Variants in EXOC6B observed in about 807,000 individuals in gnomAD.
The protein encoded by EXOC6B is exocyst complex component 6B.
In EXOC6B, 54 loss-of-function variants were observed where a neutral mutation model predicts 113.5. The ratio of observed to expected loss-of-function variants is 0.48; its 90% CI spans 0.38 to 0.60. The LOEUF (loss-of-function observed/expected upper bound fraction) is 0.60. Ranked by LOEUF, EXOC6B falls within the 20% of genes least tolerant of loss-of-function variation. The probability of loss-of-function intolerance (pLI) is 0.00; values close to 1 mark genes in which losing one functional copy is unlikely to be tolerated. For synonymous variants in EXOC6B, 357 were observed against 339.0 expected (o/e 1.05, Z -0.58); for missense variants, 797 against 977.5 (o/e 0.82, Z 2.46).
In EXOC6B at chr2:72,823,479, CAA is replaced by C. The variant is rs1214480106; in HGVS notation, c.113+2317_113+2318del. On this transcript the variant is annotated intron_variant, in intron 1 of 21. Transcript: ENST00000272427. ...TTTAAGAAAAAAAAAAAAAAAAAAA[CAA>C]AAAACAAAAAAAAAGACAGTGGCCA... 7.3e-5 allele frequency among the ~76,000 whole-genome samples: 7 copies of C among 95,344 alleles called. 1 individual carries two copies. The highest frequency in any genetic ancestry group is 3.3e-4 in the African/African-American group (7 of 21,238). The allele number at this position is 95,344 out of a possible 152,430, so 62.5% of individuals were successfully genotyped here.
chr2:72,519,950 T>C (rs1701402783), intron 8 of EXOC6B, among the ~76,000 whole-genome samples: 1 of 152,132 alleles, frequency 6.6e-6, no homozygotes, highest in Admixed American at 6.5e-5. Flanking sequence ...CATGAGGAAA[T>C]GTGTGGCTCT....
chr2:72,599,950 TTAG>T (rs1670307895), intron 6 of EXOC6B, among the ~76,000 whole-genome samples: 1 of 151,814 alleles, frequency 6.6e-6, no homozygotes, highest in African/African-American at 2.4e-5. Context: ...AAACTCAATA[TTAG>T]AATATCAATT....
intron 20 of EXOC6B, among the ~76,000 whole-genome samples, chr2:72,199,926 C>A (rs1476046469): frequency 6.6e-6 from 1 of 152,062 alleles, no homozygotes; most frequent in Non-Finnish European, 1.5e-5. Flanking sequence ...GACGGAGTTT[C>A]ATTCTTCTCA....
intron 20 of EXOC6B, among the ~76,000 whole-genome samples, chr2:72,192,330 C>G (rs1324556254): frequency 6.6e-6 from 1 of 152,184 alleles, no homozygotes; most frequent in Non-Finnish European, 1.5e-5. Flanking sequence ...CTTTGTGCTT[C>G]TCATATCAAA....
At chr2:72,741,193 A>AT in intron 2 of EXOC6B, 111 bp downstream of exon 2, 1 of 1,082,570 alleles carries the variant, frequency 9.2e-7, no homozygotes, top group Non-Finnish European at 1.3e-6. Flanking sequence ...TTCTAATTAT[A>AT]CAAAAATCTT....
At chr2:72,559,084 T>C (rs1703742207) in intron 8 of EXOC6B, among the ~76,000 whole-genome samples, 1 of 152,340 alleles carries the variant, frequency 6.6e-6, no homozygotes, top group East Asian at 1.9e-4. Flanking sequence ...ATGCTTTATA[T>C]GACAAAAGGA....
intron 6 of EXOC6B, among the ~76,000 whole-genome samples, chr2:72,647,190 G>A (rs1239081311): frequency 6.6e-6 from 1 of 152,050 alleles, no homozygotes; most frequent in African/African-American, 2.4e-5. Context: ...CCTAAAAAGA[G>A]AATAAAATAC....
intron 1 of EXOC6B, among the ~76,000 whole-genome samples, chr2:72,797,880 T>C (rs960619035): frequency 2.6e-5 from 4 of 152,006 alleles, no homozygotes; most frequent in Non-Finnish European, 1.5e-5. Flanking sequence ...GTTTCATCCC[T>C]ACCCCCCAAT....
At chr2:72,699,936 C>A (rs2104628854) in intron 6 of EXOC6B, among the ~76,000 whole-genome samples, 1 of 152,260 alleles carries the variant, frequency 6.6e-6, no homozygotes, top group Admixed American at 6.5e-5. Context: ...CAGGACCTCT[C>A]TGCAAATACC....
chr2:72,676,015 C>T (rs1676278312), intron 6 of EXOC6B, among the ~76,000 whole-genome samples: 1 of 150,748 alleles, frequency 6.6e-6, no homozygotes, highest in South Asian at 2.1e-4. Flanking sequence ...TGACTTTTTC[C>T]AAAAAAGTTC....
At chr2:72,600,870 C>A (rs1670381767) in intron 6 of EXOC6B, among the ~76,000 whole-genome samples, 1 of 151,820 alleles carries the variant, frequency 6.6e-6, no homozygotes, top group African/African-American at 2.4e-5. Context: ...CAATTTAAAA[C>A]ATCTCTGTAA....
chr2:72,496,465 C>A lies in EXOC6B; in HGVS notation c.1432G>T (p.Glu478Ter). ...AAAGTATTCCTTACCTTTTCCAGTTCTATATCTTGAAATGGGAATTGTCCT... is the reference window on the plus strand; with the variant it reads ...AAAGTATTCCTTACCTTTTCCAGTTATATATCTTGAAATGGGAATTGTCCT... Reference protein sequence around the residue: ...VVGQFPFQDIELEKQPFPKKF... With the variant: ...VVGQFPFQDI The change falls in exon 14 of 22, where the codon GAA (glutamate) becomes TAA (stop). Residue 478 changes from glutamate (E) to a stop codon, truncating the protein, a stop_gained. Transcript: ENST00000272427. LOFTEE classifies it high-confidence loss of function. 1.9e-6 allele frequency: 3 copies of A among 1,586,536 alleles called. No individual in the cohort carries two copies. Among genetic ancestry groups the A allele is most frequent in the Non-Finnish European group, 2.6e-6 (3 of 1,160,798 alleles).
chr2:72,249,955 C>T (rs1007229334), intron 20 of EXOC6B, among the ~76,000 whole-genome samples: 7 of 152,230 alleles, frequency 4.6e-5, no homozygotes, highest in Admixed American at 3.9e-4. Flanking sequence ...TAACTCAATC[C>T]TGATTTACTC....
chr2:72,558,906 G>C (rs945390031), intron 8 of EXOC6B, among the ~76,000 whole-genome samples: 1 of 151,978 alleles, frequency 6.6e-6, no homozygotes, highest in African/African-American at 2.4e-5. Context: ...TCGATAATAG[G>C]CTTCTCTCAC....
In EXOC6B at chr2:72,176,289, GAA is replaced by G; in HGVS notation, c.*3044_*3045del. 3.3e-5 allele frequency: 5 copies of G among 151,144 alleles called. No individual in the cohort carries two copies. Among genetic ancestry groups the G allele is most frequent in the Admixed American group, 2.0e-4 (3 of 15,124 alleles). The allele number at this position is 151,144 out of a possible 1,614,324, so 9.4% of individuals were successfully genotyped here. On this transcript the variant is annotated 3_prime_UTR_variant, in exon 22 of 22. Coordinates refer to ENST00000272427, the MANE Select transcript of EXOC6B (RefSeq NM_015189.3). ...AAAAAAAAACAAAAAGGAAGAAGAA[GAA>G]GAAGAAGAAGAGGCAATTGCAGTCA...
intron 6 of EXOC6B, among the ~76,000 whole-genome samples, chr2:72,644,261 G>T (rs1277781916): frequency 6.6e-6 from 1 of 152,114 alleles, no homozygotes; most frequent in East Asian, 1.9e-4. Context: ...ACAGCAAAAA[G>T]AAATGAACAA....
intron 18 of EXOC6B, among the ~76,000 whole-genome samples, chr2:72,454,330 C>G (rs1697085478): frequency 6.6e-6 from 1 of 151,986 alleles, no homozygotes; most frequent in South Asian, 2.1e-4. Context: ...ATAGTGAGAC[C>G]CCATCTCAAC....
intron 8 of EXOC6B, among the ~76,000 whole-genome samples, chr2:72,527,708 C>T (rs778997044): frequency 2.6e-5 from 4 of 151,954 alleles, no homozygotes; most frequent in African/African-American, 7.2e-5. Context: ...AGCAACCTCA[C>T]GAGCATTTGA....
chr2:72,403,385 G>A (rs554232413), intron 18 of EXOC6B, among the ~76,000 whole-genome samples: 1 of 152,208 alleles, frequency 6.6e-6, no homozygotes, highest in East Asian at 1.9e-4. Context: ...ACAATAATTT[G>A]TGCATAAAAC....
Sources: allele counts gnomAD v4.1 joint callset (sites outside exome capture counted in the v4.1 genomes callset), GRCh38; gene constraint gnomAD v4.1.1; transcripts MANE v1.5; gene names NCBI Gene and HGNC (gene_info 2026-07-23, HGNC 2026-07-21).